Variants in CADM2 observed in about 807,000 individuals in gnomAD.
The protein encoded by CADM2 is immunoglobulin superfamily member 4D.
A neutral mutation model predicts 49.8 loss-of-function variants in CADM2; 12 were observed. The ratio of observed to expected loss-of-function variants is 0.24; its 90% CI spans 0.15 to 0.39. The LOEUF is 0.39. Among genes scored for constraint, CADM2 ranks in the 10% least tolerant of loss-of-function variants. The pLI, the probability that CADM2 is intolerant of heterozygous loss-of-function variation, is 1.00. For missense variants in CADM2, 378 were observed against 492.3 expected (o/e 0.77, Z 2.20); for synonymous variants, 214 against 175.4 (o/e 1.22, Z -1.74).
chr3:85,937,081 G>T (rs901893286), intron 7 of CADM2, among the ~76,000 whole-genome samples: 2 of 151,726 alleles, frequency 1.3e-5, no homozygotes, highest in African/African-American at 4.8e-5. Flanking sequence ...ACGATTCTTT[G>T]ATTCCATATC....
At chr3:85,215,198 C>T (rs2041890074) in intron 1 of CADM2, among the ~76,000 whole-genome samples, 1 of 151,526 alleles carries the variant, frequency 6.6e-6, no homozygotes, top group Non-Finnish European at 1.5e-5. Context: ...AGGAAGGAAT[C>T]CTTCCCTTCA....
At chr3:85,754,524 C>T (rs1308070853) in intron 2 of CADM2, among the ~76,000 whole-genome samples, 2 of 152,072 alleles carry the variant, frequency 1.3e-5, no homozygotes, top group East Asian at 3.9e-4. Flanking sequence ...CTATAATGTA[C>T]CCTAGTTATT....
At chr3:85,963,034 A>G (rs73134126) in intron 8 of CADM2, among the ~76,000 whole-genome samples, 6,821 of 152,010 alleles carry the variant, frequency 0.045, 232 homozygotes, top group East Asian at 0.11. Flanking sequence ...AATTAATCTA[A>G]CAAGTGTTAT....
In CADM2 at chr3:85,940,538, G is replaced by A. The variant is rs147551183; in HGVS notation, c.791+4681G>A. On this transcript the variant is annotated intron_variant, in intron 7 of 9. Coordinates refer to ENST00000383699, the MANE Select transcript of CADM2 (RefSeq NM_001167675.2). ...TGTTTACCAAAATAAGATAAAATAT[G>A]TACTTTAAAATAATATTAATCTATA... Among the ~76,000 whole-genome samples, 18 of 152,082 alleles carry A rather than the reference G, an allele frequency of 1.2e-4. No individual in the cohort carries two copies. In the East Asian group the frequency reaches 3.5e-3, roughly 29 times the overall value.
At chr3:85,189,488 T>A (rs1023084942) in intron 1 of CADM2, among the ~76,000 whole-genome samples, 1 of 152,154 alleles carries the variant, frequency 6.6e-6, no homozygotes, top group East Asian at 1.9e-4. Flanking sequence ...TTTGAACCCA[T>A]AAAGAGAATA....
intron 1 of CADM2, among the ~76,000 whole-genome samples, chr3:85,663,754 T>G (rs1240125377): frequency 6.6e-6 from 1 of 152,014 alleles, no homozygotes; most frequent in Non-Finnish European, 1.5e-5. Flanking sequence ...AAAAAAATTA[T>G]GATTGAATCC....
At chr3:85,552,372 T>TTTTTTTTTTTG (rs2061831075) in intron 1 of CADM2, among the ~76,000 whole-genome samples, 1 of 14,292 alleles carries the variant, frequency 7.0e-5, no homozygotes, top group Admixed American at 1.8e-3. Flanking sequence ...AAAAGTTTTT[T>TTTTTTTTTTTG]TTTTTTTTTT....
chr3:85,004,797 T>C (rs2033644945), intron 1 of CADM2, among the ~76,000 whole-genome samples: 1 of 152,188 alleles, frequency 6.6e-6, no homozygotes, highest in Non-Finnish European at 1.5e-5. Context: ...TTTTAATGTA[T>C]ATGGGATAGT....
intron 1 of CADM2, among the ~76,000 whole-genome samples, chr3:85,339,345 A>C (rs959049741): frequency 2.0e-5 from 3 of 151,506 alleles, no homozygotes; most frequent in Non-Finnish European, 3.0e-5. Flanking sequence ...TACTGAAAGA[A>C]TATAACTCTG....
chr3:85,166,503 A>G (rs934134936), intron 1 of CADM2, among the ~76,000 whole-genome samples: 7 of 151,914 alleles, frequency 4.6e-5, no homozygotes, highest in Admixed American at 6.6e-5. Flanking sequence ...ATAAACAATG[A>G]AATACATATT....
chr3:85,340,957 A>G (rs1259335510), intron 1 of CADM2, among the ~76,000 whole-genome samples: 1 of 151,748 alleles, frequency 6.6e-6, no homozygotes, highest in African/African-American at 2.4e-5. Flanking sequence ...AGTTAAAAGC[A>G]TAAAGGTTAA....
At chr3:85,225,356 T>C (rs972753537) in intron 1 of CADM2, among the ~76,000 whole-genome samples, 2 of 152,230 alleles carry the variant, frequency 1.3e-5, no homozygotes, top group Non-Finnish European at 2.9e-5. Flanking sequence ...TAATTCTCTT[T>C]GTAGCAATTG....
chr3:85,968,341 A>G (rs1725713429), intron 8 of CADM2, among the ~76,000 whole-genome samples: 1 of 151,634 alleles, frequency 6.6e-6, no homozygotes, highest in South Asian at 2.1e-4. Context: ...TTTTCATTAC[A>G]AAACATTTTA....
At chr3:85,207,216 A>G (rs961970441) in intron 1 of CADM2, among the ~76,000 whole-genome samples, 1 of 152,012 alleles carries the variant, frequency 6.6e-6, no homozygotes, top group Admixed American at 6.6e-5. Context: ...GTTGACTCTT[A>G]TTTTCTTTCT....
intron 2 of CADM2, among the ~76,000 whole-genome samples, chr3:85,726,937 G>T (rs772816437): frequency 5.3e-5 from 8 of 152,170 alleles, no homozygotes; most frequent in Non-Finnish European, 1.0e-4. Flanking sequence ...ATAGAATTAT[G>T]TGAAAATAAA....
intron 7 of CADM2, among the ~76,000 whole-genome samples, chr3:85,952,835 T>C (rs1485970129): frequency 6.6e-6 from 1 of 150,976 alleles, no homozygotes; most frequent in Non-Finnish European, 1.5e-5. Context: ...ATATGGCCTC[T>C]TTATTGGATT....
intron 6 of CADM2, among the ~76,000 whole-genome samples, chr3:85,913,590 GGTTACA>G (rs2108484782): frequency 6.6e-6 from 1 of 152,056 alleles, no homozygotes; most frequent in Admixed American, 6.6e-5. Context: ...TGGGCACTGG[GGTTACA>G]GCAATGACCA....
At chr3:85,156,981 T>C (rs1422976638) in intron 1 of CADM2, among the ~76,000 whole-genome samples, 6 of 152,124 alleles carry the variant, frequency 3.9e-5, no homozygotes, top group South Asian at 2.1e-4. Flanking sequence ...GATAAGCAAC[T>C]TCAGCAAAGT....
intron 1 of CADM2, among the ~76,000 whole-genome samples, chr3:85,470,462 G>A (rs1327422811): frequency 3.9e-5 from 6 of 152,104 alleles, no homozygotes; most frequent in Admixed American, 6.6e-5. Flanking sequence ...ATTCAGACAG[G>A]AATTACATAG....
Sources: allele counts gnomAD v4.1 joint callset (sites outside exome capture counted in the v4.1 genomes callset), GRCh38; gene constraint gnomAD v4.1.1; transcripts MANE v1.5; gene names NCBI Gene and HGNC (gene_info 2026-07-23, HGNC 2026-07-21).